Variants in ZEB1 observed in about 807,000 individuals in gnomAD.
ZEB1 encodes zinc finger E-box-binding homeobox 1.
Under a neutral mutation model 84.9 loss-of-function variants are expected in ZEB1, and 21 were observed. The observed-to-expected ratio is 0.25, with a 90% CI of 0.18 to 0.36. The LOEUF is 0.36. Among genes scored for constraint, ZEB1 ranks in the 10% least tolerant of loss-of-function variants. The pLI is 1.00. For synonymous variants in ZEB1, 420 were observed against 471.1 expected, an observed-to-expected ratio of 0.89 and a Z score of 1.41; for missense variants, 1,104 against 1,330.2, an observed-to-expected ratio of 0.83 and a Z score of 2.65.
intron 2 of ZEB1, among the ~76,000 whole-genome samples, chr10:31,485,774 T>TAC (rs147066136): frequency 0.03 from 4,605 of 151,386 alleles, 266 homozygotes; most frequent in East Asian, 0.27. Context: ...TGAGCTTTAA[T>TAC]ACACACACAC....
intron 2 of ZEB1, among the ~76,000 whole-genome samples, chr10:31,486,945 G>A (rs9417881): frequency 0.048 from 7,334 of 151,476 alleles, 188 homozygotes; most frequent in South Asian, 0.065. Flanking sequence ...TTTATAAGAT[G>A]TTAGATTGAG....
intron 1 of ZEB1, among the ~76,000 whole-genome samples, chr10:31,436,437 A>G (rs2058305747): frequency 6.6e-6 from 1 of 151,444 alleles, no homozygotes; most frequent in Admixed American, 6.6e-5. Context: ...TATGGGCTCT[A>G]CTCTTCTGCT....
chr10:31,487,611 C>A (rs1275159237), intron 2 of ZEB1, among the ~76,000 whole-genome samples: 1 of 151,184 alleles, frequency 6.6e-6, no homozygotes, highest in Admixed American at 6.6e-5. Flanking sequence ...ATTTTTATTT[C>A]TTCCTTTCTA....
intron 2 of ZEB1, among the ~76,000 whole-genome samples, chr10:31,480,684 T>C (rs2064927592): frequency 6.6e-6 from 1 of 152,120 alleles, no homozygotes; most frequent in Non-Finnish European, 1.5e-5. Context: ...TGAAGGAGTG[T>C]AGGCTTTCCC....
At chr10:31,428,705 C>A (rs2057299487) in intron 1 of ZEB1, among the ~76,000 whole-genome samples, 1 of 152,180 alleles carries the variant, frequency 6.6e-6, no homozygotes, top group Non-Finnish European at 1.5e-5. Flanking sequence ...CTTTGAAGGT[C>A]TCTTAAGAAG....
At chr10:31,450,939 T>C (rs2060490525) in intron 1 of ZEB1, among the ~76,000 whole-genome samples, 1 of 152,116 alleles carries the variant, frequency 6.6e-6, no homozygotes, top group South Asian at 2.1e-4. Flanking sequence ...CATGCATGTA[T>C]ATCCTTCCTC....
In ZEB1 at chr10:31,527,226, A is replaced by G; in HGVS notation, c.3340A>G (p.Ser1114Gly). 1.2e-6 allele frequency: 2 copies of G among 1,610,074 alleles called. No homozygotes were observed. The highest frequency in any genetic ancestry group is 1.7e-6 in the Non-Finnish European group (2 of 1,178,558). ...CTTAGGACAAAAAGTAGGCGAGAGT[A>G]GTGAGCAAGTGTCTGAAGAAAAGAC... is the stretch of plus-strand genomic sequence containing the variant. The part of the protein sequence containing the change: ...SSLGQKVGES[S>G]EQVSEEKTNE... Residue 1114 changes from serine (S) to glycine (G), a missense_variant, in exon 9 of 9, where the codon AGT becomes GGT. Around this residue, in one of 7 missense-constraint regions of ZEB1, gnomAD observed 173 missense variants for 167.0 expected, o/e 1.04. Transcript: ENST00000424869.
At chr10:31,335,673 C>G (rs952365404) in intron 1 of ZEB1, among the ~76,000 whole-genome samples, 4 of 152,168 alleles carry the variant, frequency 2.6e-5, no homozygotes. Flanking sequence ...CTTTCCACTT[C>G]ATGGTAAAGT....
intron 3 of ZEB1, among the ~76,000 whole-genome samples, chr10:31,499,107 G>A (rs1195947180): frequency 1.3e-5 from 2 of 151,908 alleles, no homozygotes; most frequent in Admixed American, 6.5e-5. Context: ...CAATTTTGTT[G>A]AAAACAAAAA....
intron 1 of ZEB1, among the ~76,000 whole-genome samples, chr10:31,458,543 A>G (rs1174295747): frequency 6.6e-6 from 1 of 151,710 alleles, no homozygotes; most frequent in Non-Finnish European, 1.5e-5. Flanking sequence ...CTTGACACGT[A>G]TTTTCTCATT....
intron 1 of ZEB1, among the ~76,000 whole-genome samples, chr10:31,384,679 A>G (rs1035720848): frequency 1.3e-5 from 2 of 152,210 alleles, no homozygotes; most frequent in Non-Finnish European, 2.9e-5. Context: ...GGTGAAATGA[A>G]AAATTCAGCC....
At chr10:31,335,583 A>G (rs1241862173) in intron 1 of ZEB1, among the ~76,000 whole-genome samples, 2 of 152,206 alleles carry the variant, frequency 1.3e-5, no homozygotes, top group Non-Finnish European at 2.9e-5. Flanking sequence ...TAAAACTCTT[A>G]GCAAGTCAGT....
In ZEB1 at chr10:31,520,916, T is replaced by A; in HGVS notation, c.1584T>A (p.Asn528Lys). 1 of 1,614,050 alleles carries A rather than the reference T, an allele frequency of 6.2e-7. No individual in the cohort carries two copies. Among genetic ancestry groups the A allele is most frequent in the East Asian group, 2.2e-5 (1 of 44,868 alleles). The change falls in exon 7 of 9, where the codon AAT becomes AAA. Residue 528 changes from asparagine to lysine, a missense_variant. Coordinates refer to ENST00000424869, the MANE Select transcript of ZEB1 (RefSeq NM_001174096.2). The surrounding 1 kb of genome is among the most constrained non-coding windows in gnomAD (Gnocchi z 5.1). Reference protein sequence around the residue: ...EKDKSFEGGVNDSTCLLCDDC... With the variant: ...EKDKSFEGGVKDSTCLLCDDC... ...ACAAAAGCTTTGAAGGGGGGGTGAA[T>A]GATAGCACTTGTCTTCTGTGTGATG...
At chr10:31,524,971 C>T (rs1424523231) in intron 8 of ZEB1, among the ~76,000 whole-genome samples, 7 of 152,142 alleles carry the variant, frequency 4.6e-5, no homozygotes, top group Non-Finnish European at 1.0e-4. Context: ...TCAGGGATGG[C>T]AAACTATAGC....
intron 1 of ZEB1, among the ~76,000 whole-genome samples, chr10:31,369,541 C>T (rs1417897720): frequency 1.3e-5 from 2 of 152,196 alleles, no homozygotes; most frequent in Non-Finnish European, 2.9e-5. Flanking sequence ...GAATTTTCCC[C>T]TTTTTAAATG....
intron 1 of ZEB1, among the ~76,000 whole-genome samples, chr10:31,430,304 A>G (rs1243106498): frequency 6.6e-6 from 1 of 152,160 alleles, no homozygotes; most frequent in African/African-American, 2.4e-5. Context: ...GTCATCTGTT[A>G]ATTAGTTACT....
intron 2 of ZEB1, among the ~76,000 whole-genome samples, chr10:31,480,415 A>G (rs1565057017): frequency 6.6e-6 from 1 of 151,922 alleles, no homozygotes; most frequent in East Asian, 1.9e-4. Flanking sequence ...ATTCAGTTGA[A>G]CCTACTCTTT....
intron 1 of ZEB1, among the ~76,000 whole-genome samples, chr10:31,390,080 A>G (rs1285123818): frequency 1.3e-5 from 2 of 152,222 alleles, no homozygotes; most frequent in Non-Finnish European, 2.9e-5. Flanking sequence ...AAAACAAAAC[A>G]GGATGTCCAG....
chr10:31,446,364 C>G (rs2059778369), intron 1 of ZEB1, among the ~76,000 whole-genome samples: 1 of 152,176 alleles, frequency 6.6e-6, no homozygotes, highest in South Asian at 2.1e-4. Flanking sequence ...AAAAAACCAG[C>G]TCCTGGATTC....
Sources: allele counts gnomAD v4.1 joint callset (sites outside exome capture counted in the v4.1 genomes callset), GRCh38; gene constraint gnomAD v4.1.1; regional missense constraint gnomAD v4.1.1; non-coding constraint Gnocchi (gnomAD v3.1); transcripts MANE v1.5; gene names NCBI Gene and HGNC (gene_info 2026-07-23, HGNC 2026-07-21).